Variants in ZFHX3 observed in about 807,000 individuals in gnomAD.
ZFHX3 encodes the protein zinc finger homeobox 3, also known as zinc finger homeobox protein 3.
A neutral mutation model predicts 279.1 loss-of-function variants in ZFHX3; 42 were observed. That is an observed-to-expected ratio of 0.15 (90% CI 0.12 to 0.19). The LOEUF is 0.19. Ranked by LOEUF, ZFHX3 falls within the 10% of genes least tolerant of loss-of-function variation. The pLI is 1.00. For synonymous variants in ZFHX3, 2,293 were observed against 1,957.8 expected, an observed-to-expected ratio of 1.17 and a Z score of -4.52; for missense variants, 4,981 against 4,754.0, an observed-to-expected ratio of 1.05 and a Z score of -1.40.
chr16:72,948,869 G>A (rs1960835841), intron 3 of ZFHX3, among the ~76,000 whole-genome samples: 2 of 152,166 alleles, frequency 1.3e-5, no homozygotes, highest in African/African-American at 4.8e-5. Context: ...GGCCAGTTCA[G>A]ACCTCCAATT....
At chr16:73,152,329 T>A (rs1370326728) in intron 5 of ZFHX3, among the ~76,000 whole-genome samples, 2 of 152,212 alleles carry the variant, frequency 1.3e-5, no homozygotes, top group African/African-American at 4.8e-5. Context: ...TTTCTAGCTT[T>A]ATCAAGGAAG....
chr16:73,662,531 C>T (rs1320735160), intron 2 of ZFHX3, among the ~76,000 whole-genome samples: 1 of 152,114 alleles, frequency 6.6e-6, no homozygotes. Context: ...AAAGCCCTCA[C>T]TTTAGAACAA....
At chr16:73,156,799 C>G (rs188669374) in intron 5 of ZFHX3, among the ~76,000 whole-genome samples, 11 of 151,970 alleles carry the variant, frequency 7.2e-5, no homozygotes, top group Admixed American at 5.2e-4. Context: ...CTGCAACCTT[C>G]GCTTCCTGGG....
rs116584486 is a variant in ZFHX3, at chr16:73,603,835, G to A, written c.-1547+76345C>T. Among the ~76,000 whole-genome samples the A allele has an allele frequency of 6.6e-3, 974 of 147,632 alleles. 16 individuals are homozygous for A. Among genetic ancestry groups the A allele is most frequent in the African/African-American group, 0.024 (936 of 39,178 alleles). On this transcript the variant is annotated intron_variant, in intron 2 of 17. Coordinates refer to the ZFHX3 transcript ENST00000641206. ...CTCACCCAGGCTGGAGTGCAGTGGC[G>A]TGGCATGATATCGGCTCACTGCAAC...
At chr16:73,648,141 A>T (rs114030518) in intron 2 of ZFHX3, among the ~76,000 whole-genome samples, 1 of 152,214 alleles carries the variant, frequency 6.6e-6, no homozygotes. Flanking sequence ...TTCCCCTGCT[A>T]GGAATCTATA....
At chr16:73,070,828 G>T (rs529504138) in intron 8 of ZFHX3, among the ~76,000 whole-genome samples, 5 of 146,896 alleles carry the variant, frequency 3.4e-5, no homozygotes, top group Non-Finnish European at 7.5e-5. Context: ...CACCACTCAC[G>T]CCTTCCACCA....
intron 1 of ZFHX3, among the ~76,000 whole-genome samples, chr16:72,989,068 A>C (rs1400010821): frequency 1.3e-5 from 2 of 152,072 alleles, no homozygotes; most frequent in African/African-American, 4.8e-5. Flanking sequence ...CTCAGCTAAG[A>C]GAGGCCAAGG....
At chr16:73,289,531 A>T (rs1377035536) in intron 4 of ZFHX3, among the ~76,000 whole-genome samples, 2 of 151,974 alleles carry the variant, frequency 1.3e-5, no homozygotes, top group East Asian at 1.9e-4. Flanking sequence ...CACATGAAAC[A>T]TTTCTCAGCA....
intron 1 of ZFHX3, among the ~76,000 whole-genome samples, chr16:73,861,686 A>G (rs1252372479): frequency 6.6e-6 from 1 of 152,188 alleles, no homozygotes; most frequent in Non-Finnish European, 1.5e-5. Flanking sequence ...AGAAGCATCC[A>G]GTCATCTGTT....
intron 1 of ZFHX3, among the ~76,000 whole-genome samples, chr16:73,702,517 G>A (rs1411525204): frequency 1.3e-5 from 2 of 152,150 alleles, no homozygotes; most frequent in African/African-American, 4.8e-5. Context: ...TACTCTTTAA[G>A]CCCAAATGAA....
intron 2 of ZFHX3, among the ~76,000 whole-genome samples, chr16:73,632,521 A>T (rs902997644): frequency 6.6e-6 from 1 of 151,842 alleles, no homozygotes; most frequent in African/African-American, 2.4e-5. Context: ...CCCCATCTCT[A>T]CTAAAAATAC....
intron 8 of ZFHX3, chr16:73,081,183 A>C (rs1965939534): frequency 6.6e-6 from 1 of 152,188 alleles, no homozygotes; most frequent in African/African-American, 2.4e-5. Flanking sequence ...GATACCAATC[A>C]CTAACTAATT....
chr16:73,523,139 CCCATAAT>C (rs2019634320), intron 2 of ZFHX3, among the ~76,000 whole-genome samples: 1 of 152,210 alleles, frequency 6.6e-6, no homozygotes, highest in South Asian at 2.1e-4. Context: ...CCTCCTCTCT[CCCATAAT>C]ATGGGAACAT....
At position 72,883,043 on chromosome 16, in the gene ZFHX3, T is replaced by C. The variant is rs954950046; in HGVS notation, c.3448+6688A>G. Reference sequence around the variant, plus strand: ...GTGTGTGTGTGTGTGTGTGTGTGTGTGTGTGTGTGTAGCGGGTAGTGGGGA... The same window carrying C: ...GTGTGTGTGTGTGTGTGTGTGTGTGCGTGTGTGTGTAGCGGGTAGTGGGGA... On this transcript the variant is annotated intron_variant, in intron 4 of 9. Transcript: ENST00000268489. Among the ~76,000 whole-genome samples the C allele has an allele frequency of 4.0e-5, 5 of 126,234 alleles. No homozygotes were observed. The East Asian group carries it at 1.1e-3, about 27-fold the overall frequency. The allele number at this position is 126,234 out of a possible 152,430, so 82.8% of individuals were successfully genotyped here.
chr16:73,817,277 C>T (rs893805167), intron 1 of ZFHX3, among the ~76,000 whole-genome samples: 2 of 152,208 alleles, frequency 1.3e-5, no homozygotes, highest in African/African-American at 4.8e-5. Flanking sequence ...ATTTCAGTGG[C>T]TTATTTCCCA....
At chr16:73,216,503 CAA>C (rs1168188157) in intron 5 of ZFHX3, among the ~76,000 whole-genome samples, 1 of 152,164 alleles carries the variant, frequency 6.6e-6, no homozygotes, top group African/African-American at 2.4e-5. Context: ...ACTCCAAAGT[CAA>C]GAGTCAACTC....
rs1204021861 is a variant in ZFHX3 at position 73,555,832 on chromosome 16, C to CAA, written c.-1546-99576_-1546-99575dup. Among the ~76,000 whole-genome samples, 90 of 123,242 alleles carry CAA rather than the reference C, an allele frequency of 7.3e-4. 1 individual carries two copies. Among genetic ancestry groups the CAA allele is most frequent in the African/African-American group, 2.1e-3 (68 of 32,754 alleles). 80.9% of individuals were successfully genotyped at this position (123,242 alleles called of 152,430 possible). A position where few individuals can be genotyped will look rare whatever the true frequency, so the allele number is the denominator to read the frequency against. Reference sequence around the variant, plus strand: ...AGGCAACAAGAGCAAAACTCCATCTCAAAAAAAAAAAAAGAAAAGAAAAGG... The same window carrying CAA: ...AGGCAACAAGAGCAAAACTCCATCTCAAAAAAAAAAAAAAAGAAAAGAAAAGG... On this transcript the variant is annotated intron_variant, in intron 2 of 17. Coordinates refer to the ZFHX3 transcript ENST00000641206.
intron 2 of ZFHX3, among the ~76,000 whole-genome samples, chr16:73,665,879 C>G (rs546294651): frequency 1.3e-5 from 2 of 148,292 alleles, no homozygotes; most frequent in African/African-American, 5.1e-5. Context: ...CTCACTCTGT[C>G]GCCCAGGCTC....
chr16:73,069,364 A>C (rs748782879), intron 8 of ZFHX3, among the ~76,000 whole-genome samples: 10 of 152,184 alleles, frequency 6.6e-5, no homozygotes, highest in South Asian at 2.1e-4. Flanking sequence ...GCAAAAGAAG[A>C]AGCAATGATG....
Sources: gnomAD v4.1 joint callset for allele counts (sites outside exome capture counted in the v4.1 genomes callset) on GRCh38, gnomAD v4.1.1 for gene constraint, MANE v1.5 for transcripts, NCBI Gene and HGNC (gene_info 2026-07-23, HGNC 2026-07-21) for gene names.